Variants in CD200R1L observed in about 807,000 individuals in gnomAD.
CD200R1L encodes the protein cell surface glycoprotein CD200 receptor 2.
A neutral mutation model predicts 24.8 loss-of-function variants in CD200R1L; 14 were observed. The ratio of observed to expected loss-of-function variants is 0.56; its 90% confidence interval spans 0.37 to 0.88. CD200R1L has a LOEUF of 0.88. Ranked by LOEUF, CD200R1L falls within the 40% of genes least tolerant of loss-of-function variation. The pLI is 0.00. For missense variants in CD200R1L, 299 were observed against 297.8 expected (o/e 1.00, Z -0.03); for synonymous variants, 111 against 109.2 (o/e 1.02, Z -0.11).
chr3:112,830,121 G>T (rs1938761851), intron 3 of CD200R1L, among the ~76,000 whole-genome samples: 1 of 152,216 alleles, frequency 6.6e-6, no homozygotes, highest in East Asian at 1.9e-4. Context: ...GAAAGGTAAG[G>T]AAAAAGTGCT....
At position 112,845,945 on chromosome 3, in the gene CD200R1L, G is replaced by C. The variant is rs544316068; in HGVS notation, c.-353C>G. The C allele has an allele frequency of 1.8e-4, 92 of 514,142 alleles. No homozygotes were observed. Among genetic ancestry groups the C allele is most frequent in the Non-Finnish European group, 2.9e-4 (83 of 290,194 alleles). The allele number at this position is 514,142 out of a possible 1,614,324, so 31.8% of individuals were successfully genotyped here. ...AACCACTGATGGGAAATGTCAGTGA[G>C]TTTTGCTGTGTAATAAAGCAAAAAA... On this transcript the variant is annotated 5_prime_UTR_variant, in exon 2 of 8. Coordinates refer to ENST00000488794, the MANE Select transcript of CD200R1L (RefSeq NM_001199215.3).
At chr3:112,842,527 A>T (rs1025546560) in intron 2 of CD200R1L, among the ~76,000 whole-genome samples, 7 of 152,206 alleles carry the variant, frequency 4.6e-5, no homozygotes, top group Non-Finnish European at 5.9e-5. Context: ...ATTTTTAGGG[A>T]ACAAGGGAAG....
rs972204104 is a variant in CD200R1L at position 112,846,723 on chromosome 3, G to A, written c.-457C>T. On this transcript the variant is annotated 5_prime_UTR_variant, in exon 1 of 8. Transcript: ENST00000488794. ...GATTGGTCCCTAATCCAATATGACT[G>A]GCGTCTTTGGTTTATTCTTTTTTTC... The A allele has an allele frequency of 2.0e-5, 3 of 152,132 alleles. No individual in the cohort carries two copies. The highest frequency in any genetic ancestry group is 4.4e-5 in the Non-Finnish European group (3 of 68,030). 9.4% of individuals were successfully genotyped at this position (152,132 alleles called of 1,614,324 possible).
At chr3:112,839,868 TA>T (rs1939039979) in intron 2 of CD200R1L, among the ~76,000 whole-genome samples, 1 of 152,156 alleles carries the variant, frequency 6.6e-6, no homozygotes, top group Non-Finnish European at 1.5e-5. Flanking sequence ...CTAGTTGCCT[TA>T]AAAGACACTT....
chr3:112,827,517 T>C lies in CD200R1L; in HGVS notation c.217A>G (p.Thr73Ala). The stretch of plus-strand genomic sequence containing the variant: ...GAGACCCAGGTTATTCTCTCAACAG[T>C]ACAGTTGGTTTCCTTGGTCTCATTT... The part of the protein sequence containing the change: ...ETNETKETNC[T>A]VERITWVSRP... The change falls in exon 5 of 8, where the codon ACT (threonine) becomes GCT (alanine). Residue 73 changes from threonine (T) to alanine (A), a missense_variant. Transcript: ENST00000488794. 1 of 1,614,224 alleles carries C rather than the reference T, an allele frequency of 6.2e-7. No individual in the cohort carries two copies. Among genetic ancestry groups the C allele is most frequent in the Non-Finnish European group, 8.5e-7 (1 of 1,180,042 alleles).
chr3:112,845,990 T>C, intron 1 of CD200R1L, 40 bp from the exon 2 acceptor site: 1 of 412,458 alleles, frequency 2.4e-6, no homozygotes, highest in Non-Finnish European at 4.4e-6. Context: ...TACTACTCAT[T>C]GCTTCTCCCA....
At chr3:112,841,204 C>G in intron 2 of CD200R1L, 1 of 414,340 alleles carries the variant, frequency 2.4e-6, no homozygotes, top group South Asian at 1.8e-5. Context: ...TGATAGAGTT[C>G]TCACAAGATC....
At chr3:112,830,300 G>A (rs1260264979) in intron 3 of CD200R1L, among the ~76,000 whole-genome samples, 2 of 152,082 alleles carry the variant, frequency 1.3e-5, no homozygotes, top group African/African-American at 4.8e-5. Flanking sequence ...AATTCTCAAA[G>A]CGTGGTTTTC....
intron 7 of CD200R1L, 49 bp downstream of exon 7, chr3:112,819,722 TA>T: frequency 6.8e-7 from 1 of 1,462,608 alleles, no homozygotes; most frequent in South Asian, 1.3e-5. Flanking sequence ...GTTACAATGA[TA>T]CTTTTTTTTT....
rs1340802171 is a variant in CD200R1L, at chr3:112,845,724, T to G, written c.-132A>C. 5 of 1,612,950 alleles carry G rather than the reference T, an allele frequency of 3.1e-6. No homozygotes were observed. In the South Asian group the frequency reaches 4.4e-5, roughly 14 times the overall value. The stretch of plus-strand genomic sequence containing the variant: ...GAAATCAGTAATCTTGGAGCTGACA[T>G]CTTCCCTAAAGTATGCTTTTGGAGT... On this transcript the variant is annotated 5_prime_UTR_variant, in exon 2 of 8. An upstream start codon of the reference 5' UTR is lost. Transcript: ENST00000488794.
intron 4 of CD200R1L, among the ~76,000 whole-genome samples, chr3:112,828,097 A>G (rs1938711421): frequency 6.6e-6 from 1 of 152,196 alleles, no homozygotes; most frequent in African/African-American, 2.4e-5. Context: ...TGTGCCTTGG[A>G]AAAGAAAATG....
At chr3:112,827,741 G>A in intron 4 of CD200R1L, 57 bp from the exon 5 acceptor site, 2 of 1,490,940 alleles carry the variant, frequency 1.3e-6, no homozygotes, top group Non-Finnish European at 1.8e-6. Context: ...AACTTCATGT[G>A]TTATGTTTAT....
At chr3:112,834,755 G>T (rs1938892112) in intron 3 of CD200R1L, among the ~76,000 whole-genome samples, 1 of 152,224 alleles carries the variant, frequency 6.6e-6, no homozygotes, top group Non-Finnish European at 1.5e-5. Context: ...ACCAATGAGG[G>T]ATGTGTGAGT....
chr3:112,831,402 T>C (rs1200716254), intron 3 of CD200R1L, among the ~76,000 whole-genome samples: 1 of 152,218 alleles, frequency 6.6e-6, no homozygotes, highest in Admixed American at 6.5e-5. Flanking sequence ...AGGCAATGTG[T>C]ACGTGTGTGC....
rs543790980 is a variant in CD200R1L at position 112,843,874 on chromosome 3, G to A, written c.-87+1805C>T. Among the ~76,000 whole-genome samples, 340 of 151,558 alleles carry A rather than the reference G, an allele frequency of 2.2e-3. 2 individuals carry two copies. The highest frequency in any genetic ancestry group is 7.8e-3 in the African/African-American group (323 of 41,368). ...GTGGAAAAAGATCTATCACACAAAC[G>A]GAAAACAAAAAAGAGCAGGGGTCAC... On this transcript the variant is annotated intron_variant, in intron 2 of 7. Transcript: ENST00000488794.
In CD200R1L at chr3:112,816,006, A is replaced by G. The variant is rs368661078; in HGVS notation, c.741-31T>C. ...AGTATTACACAAGATTTGTATTTAT[A>G]TCTCATTTTCCAGAGCTTATGCAAG... On this transcript the variant is annotated intron_variant, in intron 7 of 7. Coordinates refer to ENST00000488794, the MANE Select transcript of CD200R1L (RefSeq NM_001199215.3). The G allele has an allele frequency of 6.2e-5, 48 of 779,412 alleles. No individual in the cohort carries two copies. In the African/African-American group the frequency reaches 6.8e-4, roughly 11 times the overall value. The allele number at this position is 779,412 out of a possible 1,614,324, so 48.3% of individuals were successfully genotyped here.
chr3:112,839,511 A>G (rs1446970705), intron 2 of CD200R1L, among the ~76,000 whole-genome samples: 5 of 152,234 alleles, frequency 3.3e-5, no homozygotes, highest in Admixed American at 2.6e-4. Context: ...AACTTAAACT[A>G]TGTGAATGAA....
In CD200R1L at chr3:112,826,986, C is replaced by T. The variant is rs772457658; in HGVS notation, c.616+7G>A. On this transcript the variant is annotated splice_region_variant and intron_variant, in intron 6 of 7. Coordinates refer to ENST00000488794, the MANE Select transcript of CD200R1L (RefSeq NM_001199215.3). Reference sequence around the variant, plus strand: ...AGTTTACTCTTCTACAAGAAACAGGCGCTTACCTGAATTCAACTTTACGGA... The same window carrying T: ...AGTTTACTCTTCTACAAGAAACAGGTGCTTACCTGAATTCAACTTTACGGA... 12 of 1,589,204 alleles carry T rather than the reference C, an allele frequency of 7.6e-6. No individual in the cohort carries two copies. Among genetic ancestry groups the T allele is most frequent in the South Asian group, 2.3e-5 (2 of 86,552 alleles).
chr3:112,819,648 G>T, intron 7 of CD200R1L, 124 bp downstream of exon 7: 1 of 983,572 alleles, frequency 1.0e-6, no homozygotes, highest in Non-Finnish European at 1.4e-6. Flanking sequence ...AGAAGGGGCT[G>T]GAGGGAGAAT....
Sources: allele counts gnomAD v4.1 joint callset (sites outside exome capture counted in the v4.1 genomes callset), GRCh38; gene constraint gnomAD v4.1.1; transcripts MANE v1.5; gene names NCBI Gene and HGNC (gene_info 2026-07-23, HGNC 2026-07-21).